Variants in SULF2 observed in about 807,000 individuals in gnomAD.
The protein encoded by SULF2 is sulfatase 2.
A neutral mutation model predicts 107.7 loss-of-function variants in SULF2; 52 were observed. That is an observed-to-expected ratio of 0.48 (90% confidence interval 0.39 to 0.61). The LOEUF is 0.61. Among genes scored for constraint, SULF2 ranks in the 20% least tolerant of loss-of-function variants. The pLI, the probability that SULF2 is intolerant of heterozygous loss-of-function variation, is 0.00. For synonymous variants in SULF2, 460 were observed against 464.3 expected, an observed-to-expected ratio of 0.99 and a Z score of 0.12; for missense variants, 993 against 1,177.3, an observed-to-expected ratio of 0.84 and a Z score of 2.29.
chr20:47,662,929 G>T, intron 17 of SULF2, 141 bp downstream of exon 17: 2 of 1,031,274 alleles, frequency 1.9e-6, no homozygotes, highest in Non-Finnish European at 2.9e-6. Context: ...AATCTCAGCA[G>T]CTTCACAACT....
At chr20:47,697,145 G>A (rs1568827975) in intron 4 of SULF2, among the ~76,000 whole-genome samples, 1 of 152,122 alleles carries the variant, frequency 6.6e-6, no homozygotes. Flanking sequence ...GCCTCTTTTC[G>A]GGTGGACTCA....
In SULF2 at chr20:47,663,097, G is replaced by T; in HGVS notation, c.2343C>A (p.Tyr781Ter). The T allele has an allele frequency of 6.2e-7, 1 of 1,614,144 alleles. No individual in the cohort carries two copies. The highest frequency in any genetic ancestry group is 2.2e-5 in the East Asian group (1 of 44,878). Residue 781 changes from tyrosine (Y) to a stop codon, truncating the protein, a stop_gained, in exon 17 of 21, where the codon TAC becomes TAA. Transcript: ENST00000688720. LOFTEE classifies it high-confidence loss of function. ...FCEFATGFLE[Y>*]FDLNTDPYQL... ...GGTAGGGGTCTGTGTTGAGATCAAAGTACTCTAGGAAGCCAGTTGCAAATT... is the reference window on the plus strand; with the variant it reads ...GGTAGGGGTCTGTGTTGAGATCAAATTACTCTAGGAAGCCAGTTGCAAATT...
At position 47,742,612 on chromosome 20, in the gene SULF2, G is replaced by C. The variant is rs75100288; in HGVS notation, c.176-5670C>G. Among the ~76,000 whole-genome samples the C allele has an allele frequency of 8.1e-3, 1,237 of 152,258 alleles. 15 individuals are homozygous for C. Among genetic ancestry groups the C allele is most frequent in the African/African-American group, 0.027 (1,106 of 41,526 alleles). On this transcript the variant is annotated intron_variant, in intron 2 of 20. Coordinates refer to ENST00000688720, the MANE Select transcript of SULF2 (RefSeq NM_001387048.1). ...ATTCACGGTGGCTTTTTGGGGGCCT[G>C]TGTACCACTGTGCTATGATTTGTTT...
intron 10 of SULF2, among the ~76,000 whole-genome samples, chr20:47,676,208 G>A (rs950763484): frequency 2.6e-5 from 4 of 152,214 alleles, no homozygotes; most frequent in South Asian, 2.1e-4. Context: ...TGGGGCCTTC[G>A]TGCAAGAGAG....
At position 47,678,672 on chromosome 20, in the gene SULF2, T is replaced by A. The variant is rs1602623436; in HGVS notation, c.1193+4A>T. On this transcript the variant is annotated splice_donor_region_variant and intron_variant, in intron 8 of 20. Transcript: ENST00000688720. The surrounding 1 kb of genome is among the most constrained non-coding windows in gnomAD (Gnocchi z 4.5). ...CCTCAACACCTGCCCTGCTCCGTCC[T>A]CACCGATTCACCGGCCGCTCCGTGT... The A allele has an allele frequency of 6.2e-7, 1 of 1,613,728 alleles. No individual in the cohort carries two copies. The highest frequency in any genetic ancestry group is 8.5e-7 in the Non-Finnish European group (1 of 1,179,942).
At chr20:47,770,060 T>G (rs1360869276) in intron 1 of SULF2, among the ~76,000 whole-genome samples, 2 of 135,854 alleles carry the variant, frequency 1.5e-5, no homozygotes, top group Admixed American at 1.4e-4. Context: ...GTAGTTTTTT[T>G]TTTTTTTTTT....
intron 20 of SULF2, 41 bp downstream of exon 20, chr20:47,659,358 C>A: frequency 1.3e-6 from 2 of 1,591,572 alleles, no homozygotes; most frequent in South Asian, 1.1e-5. Flanking sequence ...ATGAAGCGGT[C>A]AGAACCAGAT....
chr20:47,735,165 G>A (rs78077558), intron 3 of SULF2, among the ~76,000 whole-genome samples: 16,187 of 152,040 alleles, frequency 0.11, 920 homozygotes, highest in East Asian at 0.2. Context: ...CAGTGGCCCT[G>A]GCTGTGAAAT....
chr20:47,690,083 C>G, intron 5 of SULF2, 43 bp downstream of exon 5: 1 of 1,362,696 alleles, frequency 7.3e-7, no homozygotes, highest in Non-Finnish European at 9.6e-7. Context: ...CCTCCCCCTT[C>G]ATGCTAAGCA....
At chr20:47,660,356 T>C (rs2087025126) in intron 18 of SULF2, among the ~76,000 whole-genome samples, 2 of 152,236 alleles carry the variant, frequency 1.3e-5, no homozygotes, top group African/African-American at 4.8e-5. Flanking sequence ...CATATCAGGC[T>C]CCTGACCAGA....
At position 47,732,895 on chromosome 20, in the gene SULF2, C is replaced by T. The variant is rs183224793; in HGVS notation, c.415+3808G>A. ...AAAAAACCTGAGGATGCAATTGATC[C>T]TTCCAAGGGTATTCATATCTGAGAT... is the stretch of plus-strand genomic sequence containing the variant. On this transcript the variant is annotated intron_variant, in intron 3 of 20. Transcript: ENST00000688720. Among the ~76,000 whole-genome samples the T allele has an allele frequency of 3.9e-4, 60 of 152,158 alleles. 1 individual carries two copies. The highest frequency in any genetic ancestry group is 1.4e-3 in the African/African-American group (58 of 41,532).
intron 2 of SULF2, among the ~76,000 whole-genome samples, chr20:47,752,669 T>G (rs2090184646): frequency 6.6e-6 from 1 of 151,922 alleles, no homozygotes; most frequent in African/African-American, 2.4e-5. Flanking sequence ...GAGGATTGCT[T>G]AAGCTCAGGA....
chr20:47,769,380 T>TA (rs1387527873), intron 1 of SULF2, among the ~76,000 whole-genome samples: 1 of 141,652 alleles, frequency 7.1e-6, no homozygotes. Context: ...TTTTTTTTAG[T>TA]AGAGACAGGG....
chr20:47,785,450 C>CTGA lies in SULF2; in HGVS notation c.-209_-208insTCA, dbSNP rs2090911913. The CTGA allele has an allele frequency of 6.6e-6, 1 of 150,580 alleles. No individual in the cohort carries two copies. The highest frequency in any genetic ancestry group is 2.8e-5 in the African/African-American group (1 of 36,000). The allele number at this position is 150,580 out of a possible 1,614,324, so 9.3% of individuals were successfully genotyped here. On this transcript the variant is annotated 5_prime_UTR_variant, in exon 1 of 21. Transcript: ENST00000688720. ...AGGGGACTCCGCGCCGCCGCTGCCG[C>CTGA]TGCCGCCGCCGCCGCCGCCGCTGCC...
In SULF2 at chr20:47,672,327, G is replaced by C; in HGVS notation, c.1447C>G (p.Leu483Val). 2.5e-6 allele frequency: 4 copies of C among 1,613,246 alleles called. No homozygotes were observed. Among genetic ancestry groups the C allele is most frequent in the Non-Finnish European group, 3.4e-6 (4 of 1,179,978 alleles). ...TTGGAGAGGGCTCTGCTGCCGCCCA[G>C]CCGCATGGGGCCCTTGCACTTATGC... ...KLHKCKGPMR[L>V]GGSRALSNLV... Residue 483 changes from leucine to valine, a missense_variant, in exon 11 of 21, where the codon CTG becomes GTG. Coordinates refer to ENST00000688720, the MANE Select transcript of SULF2 (RefSeq NM_001387048.1).
At chr20:47,728,441 G>T (rs536431515) in intron 3 of SULF2, among the ~76,000 whole-genome samples, 2 of 152,118 alleles carry the variant, frequency 1.3e-5, no homozygotes, top group Admixed American at 6.5e-5. Flanking sequence ...TGGTGGGAGT[G>T]GGGGTGGAGA....
intron 15 of SULF2, among the ~76,000 whole-genome samples, 155 bp downstream of exon 15, chr20:47,663,974 GT>G (rs1392366460): frequency 2.6e-5 from 4 of 152,202 alleles, no homozygotes; most frequent in African/African-American, 9.7e-5. Flanking sequence ...CCCGCTCAGT[GT>G]TGATTGGGAA....
intron 3 of SULF2, among the ~76,000 whole-genome samples, chr20:47,720,083 G>A (rs903869781): frequency 1.2e-4 from 18 of 152,056 alleles, no homozygotes; most frequent in African/African-American, 3.9e-4. Context: ...CGAGTAGCTC[G>A]GACTGCAGGC....
intron 2 of SULF2, among the ~76,000 whole-genome samples, chr20:47,739,836 C>T (rs2089835780): frequency 6.6e-6 from 1 of 152,190 alleles, no homozygotes. Flanking sequence ...CTCAGGAATC[C>T]AAACCAGTTG....
Sources: gnomAD v4.1 joint callset for allele counts (sites outside exome capture counted in the v4.1 genomes callset) on GRCh38, gnomAD v4.1.1 for gene constraint, Gnocchi (gnomAD v3.1) non-coding constraint, MANE v1.5 for transcripts, NCBI Gene and HGNC (gene_info 2026-07-23, HGNC 2026-07-21) for gene names.